Variants in C9orf153 observed in about 807,000 individuals in gnomAD.
C9orf153 encodes uncharacterized protein C9orf153.
A neutral mutation model predicts 9.0 loss-of-function variants in C9orf153; 10 were observed. The ratio of observed to expected loss-of-function variants is 1.11; its 90% CI spans 0.69 to 1.89. The LOEUF (loss-of-function observed/expected upper bound fraction) is 1.89. Ranked by LOEUF, C9orf153 falls within the 40% of genes most tolerant of loss-of-function variation. C9orf153 has a pLI of 0.00. For missense variants in C9orf153, 108 were observed against 111.0 expected (o/e 0.97, Z 0.12); for synonymous variants, 35 against 37.3 (o/e 0.94, Z 0.23).
In C9orf153 at chr9:86,227,940, C is replaced by T; in HGVS notation, c.157G>A (p.Ala53Thr). Residue 53 changes from alanine to threonine, a missense_variant, in exon 3 of 4, where the codon GCA (alanine) becomes ACA (threonine). Ala to Thr is a moderately conservative substitution (Grantham distance 58). Coordinates refer to ENST00000339137, the MANE Select transcript of C9orf153 (RefSeq NM_001276366.4). ...AGGTTTCTAGCAAGTACTTCCTGTG[C>T]TTCGTTAAGTGAAATACCATGCATT... Reference protein sequence around the residue: ...LKMHGISLNEAQEVLARNLNV... With the variant: ...LKMHGISLNETQEVLARNLNV... 6.2e-7 allele frequency: 1 copy of T among 1,613,830 alleles called. No homozygotes were observed. Among genetic ancestry groups the T allele is most frequent in the Non-Finnish European group, 8.5e-7 (1 of 1,179,876 alleles).
intron 1 of C9orf153, among the ~76,000 whole-genome samples, chr9:86,242,556 C>T (rs1047501024): frequency 2.0e-5 from 3 of 152,118 alleles, no homozygotes; most frequent in African/African-American, 7.2e-5. Context: ...AGTAATTGTA[C>T]AGTATGAGTC....
intron 1 of C9orf153, among the ~76,000 whole-genome samples, chr9:86,247,606 G>A (rs1203942606): frequency 6.6e-6 from 1 of 152,078 alleles, no homozygotes; most frequent in East Asian, 1.9e-4. Context: ...ACTGAGCCCC[G>A]GAGACTGAGG....
At chr9:86,231,512 T>C (rs1444040209) in intron 1 of C9orf153, among the ~76,000 whole-genome samples, 1 of 149,716 alleles carries the variant, frequency 6.7e-6, no homozygotes, top group Non-Finnish European at 1.5e-5. Flanking sequence ...AACAATTATG[T>C]TTCTCTTCCT....
At chr9:86,236,956 AC>A (rs368727162) in intron 1 of C9orf153, among the ~76,000 whole-genome samples, 66 of 150,802 alleles carry the variant, frequency 4.4e-4, no homozygotes, top group African/African-American at 1.0e-3. Context: ...AAAAAAAAAA[AC>A]AAAATATAAT....
intron 1 of C9orf153, among the ~76,000 whole-genome samples, chr9:86,238,243 T>C (rs1429754976): frequency 2.0e-5 from 3 of 152,120 alleles, no homozygotes. Context: ...AGAATATCAG[T>C]AAGGACATAG....
At chr9:86,225,132 T>A (rs1163084234) in intron 3 of C9orf153, among the ~76,000 whole-genome samples, 3 of 152,016 alleles carry the variant, frequency 2.0e-5, no homozygotes, top group Non-Finnish European at 4.4e-5. Context: ...ACCCACTCTC[T>A]TTTCCTCCCC....
intron 1 of C9orf153, among the ~76,000 whole-genome samples, chr9:86,232,369 A>T (rs1824491325): frequency 6.6e-6 from 1 of 152,212 alleles, no homozygotes; most frequent in South Asian, 2.1e-4. Context: ...TCAATGCCTA[A>T]ATCTAGACCA....
chr9:86,254,747 C>T (rs1032725565), intron 1 of C9orf153, among the ~76,000 whole-genome samples: 3 of 152,156 alleles, frequency 2.0e-5, no homozygotes, highest in African/African-American at 7.2e-5. Flanking sequence ...TTTAACTGAA[C>T]TGATGTATTT....
Position 86,229,585 on chromosome 9 carries a change from T to C in C9orf153, c.19A>G (p.Thr7Ala), listed in dbSNP as rs1824418278. Residue 7 changes from threonine to alanine, a missense_variant, in exon 2 of 4, where the codon ACC (threonine) becomes GCC (alanine). By Grantham distance (58) the Thr-to-Ala change is moderately conservative. Transcript: ENST00000339137. Reference protein sequence around the residue: MFLTGDTSPAEDNREAT... With the variant: MFLTGDASPAEDNREAT... ...TCTCTATTGTCCTCAGCTGGACTGG[T>C]GTCTCCAGTGAGGAACATCGTGCTG... 1 of 1,612,564 alleles carries C rather than the reference T, an allele frequency of 6.2e-7. No homozygotes were observed. Among genetic ancestry groups the C allele is most frequent in the Non-Finnish European group, 8.5e-7 (1 of 1,178,596 alleles).
intron 1 of C9orf153, chr9:86,258,625 C>T (rs1825178531): frequency 6.6e-6 from 1 of 152,194 alleles, no homozygotes; most frequent in Admixed American, 6.5e-5. Flanking sequence ...ACAGATGTTG[C>T]AGCCAGATCA....
intron 3 of C9orf153, among the ~76,000 whole-genome samples, chr9:86,226,126 A>G (rs1824325432): frequency 6.6e-6 from 1 of 152,174 alleles, no homozygotes; most frequent in African/African-American, 2.4e-5. Flanking sequence ...TATCTAGGCC[A>G]GTCCTATCAT....
intron 1 of C9orf153, among the ~76,000 whole-genome samples, chr9:86,246,955 C>G (rs1178934790): frequency 6.6e-6 from 1 of 152,210 alleles, no homozygotes. Context: ...GAGGCAGGCT[C>G]CCAGGGGACT....
At chr9:86,257,920 T>C (rs1825159549) in intron 1 of C9orf153, among the ~76,000 whole-genome samples, 1 of 152,108 alleles carries the variant, frequency 6.6e-6, no homozygotes, top group South Asian at 2.1e-4. Flanking sequence ...AAACAACCCA[T>C]CTGGGGCTAA....
intron 1 of C9orf153, among the ~76,000 whole-genome samples, chr9:86,246,543 C>T (rs1296420065): frequency 6.6e-6 from 1 of 152,176 alleles, no homozygotes; most frequent in Non-Finnish European, 1.5e-5. Context: ...CCAAACTGGA[C>T]TCGTGGATTA....
intron 3 of C9orf153, among the ~76,000 whole-genome samples, chr9:86,226,746 T>C (rs1234932106): frequency 6.6e-6 from 1 of 150,996 alleles, no homozygotes; most frequent in East Asian, 1.9e-4. Flanking sequence ...ATAAGTTTCA[T>C]GGTTTTTTGT....
intron 1 of C9orf153, among the ~76,000 whole-genome samples, chr9:86,236,375 C>T (rs1333540749): frequency 1.3e-5 from 2 of 151,668 alleles, no homozygotes; most frequent in Non-Finnish European, 2.9e-5. Context: ...ATGGTGAAAC[C>T]GTGTCTCAAC....
chr9:86,228,966 T>C (rs1308319558), intron 2 of C9orf153: 1 of 273,462 alleles, frequency 3.7e-6, no homozygotes, highest in East Asian at 9.9e-5. Flanking sequence ...GCATTCTCAG[T>C]TACGCCAACT....
At chr9:86,256,088 A>C (rs535613183) in intron 1 of C9orf153, among the ~76,000 whole-genome samples, 8 of 152,270 alleles carry the variant, frequency 5.3e-5, no homozygotes, top group African/African-American at 1.9e-4. Flanking sequence ...TCATGAGCAC[A>C]ATGTGCATTC....
At chr9:86,227,143 AT>A (rs892672012) in intron 3 of C9orf153, among the ~76,000 whole-genome samples, 46 of 151,784 alleles carry the variant, frequency 3.0e-4, no homozygotes, top group African/African-American at 1.1e-3. Flanking sequence ...TTTTATTTTT[AT>A]TTTTACTTAT....
Sources: allele counts gnomAD v4.1 joint callset (sites outside exome capture counted in the v4.1 genomes callset), GRCh38; gene constraint gnomAD v4.1.1; transcripts MANE v1.5; gene names NCBI Gene and HGNC (gene_info 2026-07-23, HGNC 2026-07-21).